The following UBQLN1 variants were observed in gnomAD, a reference collection of about 807,000 sequenced individuals.
UBQLN1 encodes ubiquilin-1.
A neutral mutation model predicts 65.4 loss-of-function variants in UBQLN1; 13 were observed. That is an observed-to-expected ratio of 0.20 (90% CI 0.13 to 0.32). The LOEUF is 0.32. Ranked by LOEUF, UBQLN1 falls within the 10% of genes least tolerant of loss-of-function variation. UBQLN1 has a pLI of 1.00. For missense variants in UBQLN1, 561 were observed against 724.0 expected, an observed-to-expected ratio of 0.77 and a Z score of 2.58; for synonymous variants, 267 against 247.8, an observed-to-expected ratio of 1.08 and a Z score of -0.73.
intron 1 of UBQLN1, among the ~76,000 whole-genome samples, chr9:83,704,750 C>T (rs1187716504): frequency 7.3e-6 from 1 of 137,452 alleles, no homozygotes; most frequent in African/African-American, 2.7e-5. Context: ...TCCTTGAACC[C>T]GGGAAGGGGA....
At chr9:83,678,363 A>G in intron 5 of UBQLN1, 78 bp downstream of exon 5, 1 of 1,486,378 alleles carries the variant, frequency 6.7e-7, no homozygotes, top group Non-Finnish European at 9.0e-7. Context: ...CTCATATAAA[A>G]GCTACCCTCA....
chr9:83,677,771 G>C lies in UBQLN1; in HGVS notation c.1061C>G (p.Ser354Cys). The C allele has an allele frequency of 6.2e-7, 1 of 1,614,198 alleles. No homozygotes were observed. The highest frequency in any genetic ancestry group is 8.5e-7 in the Non-Finnish European group (1 of 1,180,036). Residue 354 changes from serine (S) to cysteine (C), a missense_variant, in exon 6 of 11, where the codon TCT (serine) becomes TGT (cysteine). This residue lies in a region of UBQLN1 where 89 missense variants were observed against 77.8 expected (regional missense o/e 1.14). Coordinates refer to ENST00000376395, the MANE Select transcript of UBQLN1 (RefSeq NM_013438.5). ...GTTGSTASGT[S>C]GQSTTAPNLV... ...ATTTGGCGCAGTAGTACTCTGCCCA[G>C]AAGTGCCACTGGCAGTACTACCAGT...
At chr9:83,681,321 T>C in intron 3 of UBQLN1, among the ~76,000 whole-genome samples, 1 of 152,206 alleles carries the variant, frequency 6.6e-6, no homozygotes, top group South Asian at 2.1e-4. Context: ...ACTGAGCACT[T>C]TTTATATATG....
At chr9:83,692,813 T>C (rs957177303) in intron 1 of UBQLN1, among the ~76,000 whole-genome samples, 4 of 152,184 alleles carry the variant, frequency 2.6e-5, no homozygotes, top group South Asian at 2.1e-4. Flanking sequence ...GATCATGCCA[T>C]TGCACTCCAG....
chr9:83,684,204 T>C (rs1239240747), intron 2 of UBQLN1, among the ~76,000 whole-genome samples: 3 of 151,868 alleles, frequency 2.0e-5, no homozygotes, highest in Non-Finnish European at 2.9e-5. Context: ...TATTTATTTA[T>C]TTTTTTAAAG....
chr9:83,702,505 C>T (rs1832328551), intron 1 of UBQLN1, among the ~76,000 whole-genome samples: 1 of 151,780 alleles, frequency 6.6e-6, no homozygotes, highest in Admixed American at 6.6e-5. Flanking sequence ...ATATATAAGC[C>T]ACAAGTAATT....
chr9:83,686,214 G>T, intron 1 of UBQLN1, 59 bp from the exon 2 acceptor site: 1 of 1,158,600 alleles, frequency 8.6e-7, no homozygotes, highest in Non-Finnish European at 1.2e-6. Context: ...ATACAGTCTA[G>T]TTTCTACAGG....
chr9:83,707,581 C>T lies in UBQLN1; in HGVS notation c.99G>A (p.Glu33=). The T allele has an allele frequency of 6.2e-7, 1 of 1,608,048 alleles. No homozygotes were observed. Among genetic ancestry groups the T allele is most frequent in the Non-Finnish European group, 8.5e-7 (1 of 1,177,658 alleles). The change falls in exon 1 of 11, where the codon GAG becomes GAA. Residue 33 remains glutamate (E), a synonymous_variant. Coordinates refer to ENST00000376395, the MANE Select transcript of UBQLN1 (RefSeq NM_013438.5). ...AGAPAAAASA[E]PKIMKVTVKT... ...TCACGGTGACTTTCATGATTTTGGG[C>T]TCCGCGGAGGCAGCGGCCGCGGGGG...
chr9:83,663,993 G>C lies in UBQLN1; in HGVS notation c.1499C>G (p.Thr500Ser). ...ALGSTGGSSG[T>S]NGSNATPSEN... ...ACTAGGTGTGGCGTTAGATCCATTA[G>C]TTCCCGAAGAGCCTCCAGTGCTTCC... Residue 500 changes from threonine (T) to serine (S), a missense_variant, in exon 10 of 11, where the codon ACT (threonine) becomes AGT (serine). Thr to Ser is a moderately conservative substitution (Grantham distance 58). This residue lies in a region of UBQLN1 where 68 missense variants were observed against 62.2 expected (regional missense o/e 1.09). Transcript: ENST00000376395. 1 of 1,614,134 alleles carries C rather than the reference G, an allele frequency of 6.2e-7. No individual in the cohort carries two copies. Among genetic ancestry groups the C allele is most frequent in the South Asian group, 1.1e-5 (1 of 91,084 alleles).
At chr9:83,668,190 TTTG>T (rs1239851987) in intron 7 of UBQLN1, 1 of 985,254 alleles carries the variant, frequency 1.0e-6, no homozygotes, top group Non-Finnish European at 1.2e-6. Context: ...CTTCTTAAAA[TTTG>T]TTATTTCCAA....
chr9:83,692,107 T>C (rs1186775918), intron 1 of UBQLN1, among the ~76,000 whole-genome samples: 1 of 151,226 alleles, frequency 6.6e-6, no homozygotes, highest in African/African-American at 2.5e-5. Context: ...TTTAGCTGTC[T>C]GCCACTCTAT....
At chr9:83,673,554 AAAAAAAAAAAAAAC>A (rs1269753511) in intron 6 of UBQLN1, among the ~76,000 whole-genome samples, 2 of 86,526 alleles carry the variant, frequency 2.3e-5, no homozygotes, top group Admixed American at 1.1e-4. Flanking sequence ...TTTAAAAAAA[AAAAAAAAAAAAAAC>A]AAAAAAAAAA....
At chr9:83,688,637 G>A (rs944491324) in intron 1 of UBQLN1, among the ~76,000 whole-genome samples, 1 of 151,824 alleles carries the variant, frequency 6.6e-6, no homozygotes, top group Non-Finnish European at 1.5e-5. Context: ...GCCGAGGCGG[G>A]CAGATGACAG....
chr9:83,675,564 T>C (rs530564407), intron 6 of UBQLN1, among the ~76,000 whole-genome samples: 7 of 152,164 alleles, frequency 4.6e-5, no homozygotes, highest in African/African-American at 1.4e-4. Context: ...TTTTCAGACC[T>C]CAATGCAAAT....
At chr9:83,692,928 TG>T (rs1214557902) in intron 1 of UBQLN1, among the ~76,000 whole-genome samples, 1 of 152,240 alleles carries the variant, frequency 6.6e-6, no homozygotes, top group Admixed American at 6.5e-5. Flanking sequence ...GAAGAATTTT[TG>T]TAATTTCCAT....
chr9:83,686,927 A>G (rs1168257254), intron 1 of UBQLN1, among the ~76,000 whole-genome samples: 8 of 151,688 alleles, frequency 5.3e-5, no homozygotes, highest in Non-Finnish European at 1.2e-4. Context: ...ACAAAAAAAG[A>G]AAAAAAAATC....
chr9:83,668,290 T>G (rs1831674871), intron 7 of UBQLN1: 1 of 984,478 alleles, frequency 1.0e-6, no homozygotes, highest in Admixed American at 6.2e-5. Flanking sequence ...ATTTAGAAAA[T>G]AAAAACCATT....
intron 1 of UBQLN1, among the ~76,000 whole-genome samples, chr9:83,692,883 AT>A (rs1325413747): frequency 1.3e-5 from 2 of 152,190 alleles, no homozygotes; most frequent in African/African-American, 2.4e-5. Flanking sequence ...TAATAAAAAA[AT>A]ATTTTCATCT....
chr9:83,667,537 G>T, intron 7 of UBQLN1: 8 of 985,418 alleles, frequency 8.1e-6, no homozygotes, highest in Non-Finnish European at 9.6e-6. Context: ...TTATTTCAAA[G>T]TGACCAGTAA....
Sources: gnomAD v4.1 joint callset for allele counts (sites outside exome capture counted in the v4.1 genomes callset) on GRCh38, gnomAD v4.1.1 for gene constraint, gnomAD v4.1.1 regional missense constraint, MANE v1.5 for transcripts, NCBI Gene and HGNC (gene_info 2026-07-23, HGNC 2026-07-21) for gene names.